The following NLGN1 variants were observed in gnomAD, a reference collection of about 807,000 sequenced individuals.
The protein encoded by NLGN1 is neuroligin 1, also known as neuroligin-1.
Under a neutral mutation model 65.5 loss-of-function variants are expected in NLGN1, and 12 were observed. The ratio of observed to expected loss-of-function variants is 0.18; its 90% CI spans 0.12 to 0.30. NLGN1 has a LOEUF of 0.30. Ranked by LOEUF, NLGN1 falls within the 10% of genes least tolerant of loss-of-function variation. The pLI, the probability that NLGN1 is intolerant of heterozygous loss-of-function variation, is 1.00. For missense variants in NLGN1, 750 were observed against 1,007.1 expected (o/e 0.74, Z 3.46); for synonymous variants, 350 against 359.5 (o/e 0.97, Z 0.30).
chr3:173,635,552 A>G (rs1250031125), intron 3 of NLGN1, among the ~76,000 whole-genome samples: 1 of 152,216 alleles, frequency 6.6e-6, no homozygotes, highest in Non-Finnish European at 1.5e-5. Context: ...TTTCCAGAAG[A>G]AACACGTAAA....
chr3:174,282,568 G>C (rs1459981404), exon 7 of NLGN1: 1 of 152,050 alleles, frequency 6.6e-6, no homozygotes, highest in Admixed American at 6.6e-5. Flanking sequence ...AACATCTGGA[G>C]GATTTTAGTC....
At chr3:173,401,242 A>G (rs1477108663) in intron 1 of NLGN1, among the ~76,000 whole-genome samples, 1 of 147,152 alleles carries the variant, frequency 6.8e-6, no homozygotes, top group Non-Finnish European at 1.5e-5. Flanking sequence ...CCACCTCATC[A>G]TGACTATCCA....
chr3:174,178,111 G>A (rs1729771529), intron 4 of NLGN1, among the ~76,000 whole-genome samples: 1 of 152,136 alleles, frequency 6.6e-6, no homozygotes, highest in African/African-American at 2.4e-5. Flanking sequence ...ACAGTAGGAA[G>A]TTCATGACAA....
At chr3:174,015,051 C>T (rs1490675907) in intron 4 of NLGN1, among the ~76,000 whole-genome samples, 2 of 152,124 alleles carry the variant, frequency 1.3e-5, no homozygotes, top group Non-Finnish European at 2.9e-5. Context: ...TGGAGAAAAG[C>T]ATAGTCTTAT....
intron 2 of NLGN1, among the ~76,000 whole-genome samples, chr3:173,579,101 T>C (rs1157928107): frequency 6.6e-6 from 1 of 152,358 alleles, no homozygotes; most frequent in East Asian, 1.9e-4. Context: ...TAAACCCTTT[T>C]AAGAGTCCCT....
intron 4 of NLGN1, among the ~76,000 whole-genome samples, chr3:174,092,111 C>T (rs1207005996): frequency 1.3e-5 from 2 of 152,178 alleles, no homozygotes; most frequent in South Asian, 4.1e-4. Context: ...TTGTGCAAAG[C>T]ATTCCTCTTA....
intron 4 of NLGN1, among the ~76,000 whole-genome samples, chr3:174,226,971 T>C (rs955937478): frequency 1.3e-5 from 2 of 152,176 alleles, no homozygotes; most frequent in East Asian, 1.9e-4. Flanking sequence ...ATACAAAAAA[T>C]GAAAGCAAGT....
chr3:173,494,832 T>C (rs1007576081), intron 2 of NLGN1, among the ~76,000 whole-genome samples: 1 of 151,898 alleles, frequency 6.6e-6, no homozygotes, highest in Non-Finnish European at 1.5e-5. Flanking sequence ...ATCTAATGAA[T>C]AAATAATTGG....
At chr3:174,263,197 G>A (rs1747302319) in intron 4 of NLGN1, among the ~76,000 whole-genome samples, 1 of 150,848 alleles carries the variant, frequency 6.6e-6, no homozygotes, top group Non-Finnish European at 1.5e-5. Flanking sequence ...TATCTATTAG[G>A]TCCGCTTGGT....
intron 4 of NLGN1, among the ~76,000 whole-genome samples, chr3:174,074,734 G>A (rs1453056947): frequency 6.6e-6 from 1 of 152,192 alleles, no homozygotes; most frequent in East Asian, 1.9e-4. Context: ...TGGAAACGTA[G>A]TTGTGGATGA....
At chr3:174,197,537 A>AAG (rs1553960495) in intron 4 of NLGN1, among the ~76,000 whole-genome samples, 22 of 149,640 alleles carry the variant, frequency 1.5e-4, no homozygotes, top group African/African-American at 4.4e-4. Context: ...AAAAAAAAAA[A>AAG]GGAGAATCCA....
intron 4 of NLGN1, among the ~76,000 whole-genome samples, chr3:174,105,264 A>T (rs1713456059): frequency 6.6e-6 from 1 of 152,072 alleles, no homozygotes; most frequent in Non-Finnish European, 1.5e-5. Context: ...TGGCTGGCTG[A>T]CATGGTGGCT....
At chr3:173,854,369 T>G (rs1446884945) in intron 4 of NLGN1, among the ~76,000 whole-genome samples, 1 of 152,020 alleles carries the variant, frequency 6.6e-6, no homozygotes, top group Non-Finnish European at 1.5e-5. Context: ...TTTTTTTTAC[T>G]TTGCCCAGGA....
chr3:174,185,920 A>G (rs888842576), intron 4 of NLGN1, among the ~76,000 whole-genome samples: 1 of 152,064 alleles, frequency 6.6e-6, no homozygotes, highest in Admixed American at 6.6e-5. Flanking sequence ...ATTATATCTA[A>G]GTCTTCAAAC....
At chr3:174,255,002 C>A (rs1220617949) in intron 4 of NLGN1, among the ~76,000 whole-genome samples, 1 of 152,124 alleles carries the variant, frequency 6.6e-6, no homozygotes, top group African/African-American at 2.4e-5. Context: ...ATATGTGTGG[C>A]ACTTTGCCAG....
At chr3:173,969,047 G>T (rs1243218077) in intron 4 of NLGN1, among the ~76,000 whole-genome samples, 2 of 139,806 alleles carry the variant, frequency 1.4e-5, no homozygotes, top group Admixed American at 1.4e-4. Context: ...GATGAGAAAA[G>T]AATATGCAAG....
chr3:173,751,830 A>G (rs901446271), intron 3 of NLGN1, among the ~76,000 whole-genome samples: 32 of 152,136 alleles, frequency 2.1e-4, no homozygotes, highest in Admixed American at 2.0e-3. Flanking sequence ...TATTCCCACA[A>G]TCATCCCTCA....
At chr3:173,847,249 G>T (rs1464760343) in intron 4 of NLGN1, among the ~76,000 whole-genome samples, 1 of 152,092 alleles carries the variant, frequency 6.6e-6, no homozygotes, top group African/African-American at 2.4e-5. Flanking sequence ...GATATTTTGG[G>T]ATTGTATTCT....
intron 4 of NLGN1, among the ~76,000 whole-genome samples, chr3:174,014,394 C>T (rs1457093208): frequency 1.3e-5 from 2 of 152,122 alleles, no homozygotes; most frequent in Non-Finnish European, 2.9e-5. Context: ...AGGCTTTTGT[C>T]ACATCTGATA....
Sources: gnomAD v4.1 joint callset for allele counts (sites outside exome capture counted in the v4.1 genomes callset) on GRCh38, gnomAD v4.1.1 for gene constraint, MANE v1.5 for transcripts, NCBI Gene and HGNC (gene_info 2026-07-23, HGNC 2026-07-21) for gene names.